The following FOCAD variants were observed in gnomAD, a reference collection of about 807,000 sequenced individuals.
The protein encoded by FOCAD is KIAA1797.
FOCAD carries 198 observed loss-of-function variants against 225.6 expected under a neutral mutation model. That is an observed-to-expected ratio of 0.88 (90% CI 0.78 to 0.99). The LOEUF is 0.99. Among genes scored for constraint, FOCAD ranks in the 50% least tolerant of loss-of-function variants. The pLI is 0.00. For missense variants in FOCAD, 2,713 were observed against 2,123.6 expected (o/e 1.28, Z -5.46); for synonymous variants, 897 against 755.0 (o/e 1.19, Z -3.08).
At chr9:20,832,399 T>A (rs959933833) in intron 15 of FOCAD, among the ~76,000 whole-genome samples, 1 of 152,014 alleles carries the variant, frequency 6.6e-6, no homozygotes, top group African/African-American at 2.4e-5. Context: ...TCTTTTTTTT[T>A]AATTTTTAAT....
intron 22 of FOCAD, among the ~76,000 whole-genome samples, chr9:20,909,507 A>T (rs7848435): frequency 0.64 from 97,522 of 151,954 alleles, 31,670 homozygotes; most frequent in African/African-American, 0.73. Flanking sequence ...CCTGCAGATT[A>T]TTCATAATTT....
At chr9:20,800,240 T>C (rs2131276432) in intron 11 of FOCAD, among the ~76,000 whole-genome samples, 1 of 152,290 alleles carries the variant, frequency 6.6e-6, no homozygotes, top group African/African-American at 2.4e-5. Context: ...TGGGCTTCCC[T>C]TTGTGGGTAT....
chr9:20,976,377 A>T, intron 35 of FOCAD, 43 bp from the exon 36 acceptor site: 1 of 1,593,548 alleles, frequency 6.3e-7, no homozygotes. Context: ...CTTCCATGAT[A>T]GTATGCAGGT....
chr9:20,870,335 T>C (rs1285658253), intron 18 of FOCAD, among the ~76,000 whole-genome samples: 1 of 152,204 alleles, frequency 6.6e-6, no homozygotes, highest in Non-Finnish European at 1.5e-5. Flanking sequence ...CTTGACATGT[T>C]CCAAATAAAA....
At chr9:20,926,163 A>G (rs764174951) in intron 25 of FOCAD, 138 bp from the exon 26 acceptor site, 1 of 600,862 alleles carries the variant, frequency 1.7e-6, no homozygotes, top group Non-Finnish European at 3.0e-6. Flanking sequence ...GTGCATGCTT[A>G]TAGTCCAAGC....
Position 20,733,875 on chromosome 9 carries a change from C to T in FOCAD, c.288-6361C>T, listed in dbSNP as rs184093398. 3.1e-3 allele frequency among the ~76,000 whole-genome samples: 467 copies of T among 152,242 alleles called. 5 individuals carry two copies. The highest frequency in any genetic ancestry group is 0.011 in the African/African-American group (453 of 41,550). The stretch of plus-strand genomic sequence containing the variant: ...AATTAGCCAGGTATGGTGATGCACA[C>T]CTATAGCTCCAGATACTTGGGAGGC... On this transcript the variant is annotated intron_variant, in intron 4 of 43. Transcript: ENST00000338382.
At chr9:20,895,765 T>G (rs1334128892) in intron 21 of FOCAD, among the ~76,000 whole-genome samples, 1 of 151,686 alleles carries the variant, frequency 6.6e-6, no homozygotes, top group Non-Finnish European at 1.5e-5. Context: ...GTTCCAGGAG[T>G]TTTTTGTCAA....
At chr9:20,657,828 C>T (rs1160373703), upstream of FOCAD, among the ~76,000 whole-genome samples, 23 of 87,782 alleles carry the variant, frequency 2.6e-4, no homozygotes, top group South Asian at 8.4e-4. Context: ...TGAGGAACTG[C>T]GTTCCTTTGG....
At chr9:20,923,567 C>G (rs1834652376) in intron 24 of FOCAD, 93 bp from the exon 25 acceptor site, 1 of 852,936 alleles carries the variant, frequency 1.2e-6, no homozygotes, top group African/African-American at 1.7e-5. Context: ...ACACAAGTTG[C>G]TTTTTGACTT....
Position 20,990,145 on chromosome 9 carries a change from T to C in FOCAD, c.5027T>C (p.Ile1676Thr), listed in dbSNP as rs752202353. 3.1e-6 allele frequency: 5 copies of C among 1,614,198 alleles called. No homozygotes were observed. The East Asian group carries it at 8.9e-5, about 29-fold the overall frequency. The change falls in exon 42 of 44, where the codon ATA (isoleucine) becomes ACA (threonine). Residue 1676 changes from isoleucine (I) to threonine (T), a missense_variant. Coordinates refer to ENST00000338382, the MANE Select transcript of FOCAD (RefSeq NM_001375567.1). ...LDKALDFFLL[I>T]FATAVVAWAD... Reference sequence around the variant, plus strand: ...TAGGCTTTGGACTTCTTCTTGCTGATATTTGCAACCGCAGTGGTTGCATGG... The same window carrying C: ...TAGGCTTTGGACTTCTTCTTGCTGACATTTGCAACCGCAGTGGTTGCATGG...
intron 2 of FOCAD, among the ~76,000 whole-genome samples, chr9:20,659,440 A>AGAAAGAAAGAAAGAAAGAAAGAAAGAC: frequency 1.4e-5 from 2 of 145,190 alleles, no homozygotes; most frequent in South Asian, 2.3e-4. Flanking sequence ...GAAAGAAAGA[A>AGAAAGAAAGAAAGAAAGAAAGAAAGAC]AGACAGACAG....
chr9:20,940,221 A>G (rs968985686), intron 28 of FOCAD, among the ~76,000 whole-genome samples: 3 of 151,572 alleles, frequency 2.0e-5, no homozygotes, highest in Non-Finnish European at 4.4e-5. Context: ...TCTACGGTTA[A>G]TGAAGTTTAG....
chr9:20,876,931 T>C (rs903991921), intron 19 of FOCAD, among the ~76,000 whole-genome samples: 1 of 152,204 alleles, frequency 6.6e-6, no homozygotes, highest in African/African-American at 2.4e-5. Context: ...ATTTGCATTA[T>C]TTAAATAGAG....
At chr9:20,759,935 G>T (rs11788368) in intron 6 of FOCAD, among the ~76,000 whole-genome samples, 1 of 152,196 alleles carries the variant, frequency 6.6e-6, no homozygotes, top group Non-Finnish European at 1.5e-5. Flanking sequence ...AGTGGGATCA[G>T]ATAGCCACCA....
chr9:20,770,010 A>G (rs773183965), intron 7 of FOCAD, 22 bp from the exon 8 acceptor site: 2 of 1,593,954 alleles, frequency 1.3e-6, no homozygotes, highest in Non-Finnish European at 8.6e-7. Flanking sequence ...TTTTAATATC[A>G]TATAATGACT....
At chr9:20,827,239 G>A (rs563568419) in intron 15 of FOCAD, among the ~76,000 whole-genome samples, 198 of 152,016 alleles carry the variant, frequency 1.3e-3, no homozygotes, top group African/African-American at 4.6e-3. Flanking sequence ...GCAACCATGA[G>A]TCTACTTTCT....
At chr9:20,976,575 CAG>C (rs753362619) in intron 36 of FOCAD, 27 bp downstream of exon 36, 2 of 1,607,280 alleles carry the variant, frequency 1.2e-6, no homozygotes, top group African/African-American at 2.7e-5. Context: ...TTTAAGTCTT[CAG>C]ACTTTGATTT....
intron 21 of FOCAD, 151 bp downstream of exon 21, chr9:20,885,381 C>A: frequency 3.2e-6 from 2 of 617,544 alleles, no homozygotes; most frequent in Non-Finnish European, 4.7e-6. Flanking sequence ...ACTGAATACT[C>A]AAATATTTCA....
chr9:20,794,084 C>G (rs564829675), intron 11 of FOCAD, among the ~76,000 whole-genome samples: 28 of 152,200 alleles, frequency 1.8e-4, no homozygotes, highest in African/African-American at 6.0e-4. Flanking sequence ...TTAAACCATG[C>G]CAGCTCCCTG....
Sources: allele counts gnomAD v4.1 joint callset (sites outside exome capture counted in the v4.1 genomes callset), GRCh38; gene constraint gnomAD v4.1.1; transcripts MANE v1.5; gene names NCBI Gene and HGNC (gene_info 2026-07-23, HGNC 2026-07-21).